The following CDYL variants were observed in gnomAD, a reference collection of about 807,000 sequenced individuals.
CDYL encodes the protein chromodomain Y like.
Under a neutral mutation model 47.3 loss-of-function variants are expected in CDYL, and 8 were observed. The ratio of observed to expected loss-of-function variants is 0.17; its 90% CI spans 0.10 to 0.31. The LOEUF (loss-of-function observed/expected upper bound fraction) is 0.31. CDYL is among the 10% of genes least tolerant of loss of function. The probability of loss-of-function intolerance (pLI) is 1.00; values close to 1 mark genes in which losing one functional copy is unlikely to be tolerated. For missense variants in CDYL, 471 were observed against 701.4 expected, an observed-to-expected ratio of 0.67 and a Z score of 3.71; for synonymous variants, 266 against 265.0, an observed-to-expected ratio of 1.00 and a Z score of -0.04.
At chr6:4,835,995 A>G in intron 1 of CDYL, 4 of 152,704 alleles carry the variant, frequency 2.6e-5, no homozygotes, top group Non-Finnish European at 5.8e-5. Flanking sequence ...CCTTTCTTTG[A>G]CTAGGAAAGG....
intron 1 of CDYL, among the ~76,000 whole-genome samples, chr6:4,713,365 G>A (rs768387786): frequency 6.6e-6 from 1 of 152,004 alleles, no homozygotes; most frequent in Admixed American, 6.6e-5. Context: ...TCCCCAAGAC[G>A]CAGGCCGCAG....
intron 3 of CDYL, among the ~76,000 whole-genome samples, chr6:4,768,945 G>A (rs1758296154): frequency 6.6e-6 from 1 of 152,152 alleles, no homozygotes; most frequent in African/African-American, 2.4e-5. Context: ...ATCATATCAT[G>A]AGACAAATAT....
At chr6:4,758,562 C>G (rs1758115419) in intron 3 of CDYL, among the ~76,000 whole-genome samples, 2 of 151,676 alleles carry the variant, frequency 1.3e-5, no homozygotes, top group African/African-American at 4.8e-5. Context: ...ACTTGGGAGG[C>G]TGAGGCACGA....
intron 1 of CDYL, among the ~76,000 whole-genome samples, chr6:4,875,122 G>T (rs541318031): frequency 1.3e-5 from 2 of 152,272 alleles, no homozygotes; most frequent in South Asian, 4.1e-4. Flanking sequence ...CAGGGGAGTT[G>T]TGCCACTCTT....
chr6:4,847,190 C>T (rs1440306412), intron 1 of CDYL, among the ~76,000 whole-genome samples: 1 of 152,212 alleles, frequency 6.6e-6, no homozygotes, highest in Admixed American at 6.5e-5. Flanking sequence ...TTCTGGTTCC[C>T]TCCTAGAGAT....
At chr6:4,717,873 G>T (rs1466352828) in intron 2 of CDYL, among the ~76,000 whole-genome samples, 1 of 150,536 alleles carries the variant, frequency 6.6e-6, no homozygotes, top group African/African-American at 2.4e-5. Context: ...TTGAGACAGG[G>T]TCTCACTCTA....
intron 1 of CDYL, among the ~76,000 whole-genome samples, chr6:4,864,011 G>A (rs540378479): frequency 5.9e-5 from 9 of 152,172 alleles, no homozygotes; most frequent in Non-Finnish European, 1.2e-4. Flanking sequence ...TAAAGTAGAA[G>A]ATGTTGAAGG....
chr6:4,732,186 T>C (rs1757616906), intron 2 of CDYL, among the ~76,000 whole-genome samples: 1 of 150,766 alleles, frequency 6.6e-6, no homozygotes, highest in South Asian at 2.1e-4. Context: ...AGTACAAAAA[T>C]TAGCTAAGCA....
chr6:4,830,883 T>C lies in CDYL; in HGVS notation c.24+54076T>C, dbSNP rs182650521. ...GTTTTTTGTTCTTGCGATAGTTTAC[T>C]GAGAATGATGATTTGCAGTTTCATC... On this transcript the variant is annotated intron_variant, in intron 1 of 6. Coordinates refer to ENST00000397588, the MANE Select transcript of CDYL (RefSeq NM_004824.4). 2.1e-3 allele frequency among the ~76,000 whole-genome samples: 314 copies of C among 152,102 alleles called. 2 individuals carry two copies. In the East Asian group the frequency reaches 0.028, roughly 14 times the overall value.
At chr6:4,938,920 A>G (rs1758283310) in intron 4 of CDYL, among the ~76,000 whole-genome samples, 1 of 152,242 alleles carries the variant, frequency 6.6e-6, no homozygotes, top group Admixed American at 6.5e-5. Flanking sequence ...ATGTATAATT[A>G]GAAGTGTCTG....
In CDYL at chr6:4,803,846, CTA is replaced by C. The variant is rs1249162333; in HGVS notation, c.24+27041_24+27042del. Among the ~76,000 whole-genome samples the C allele has an allele frequency of 4.0e-5, 6 of 150,184 alleles. No individual in the cohort carries two copies. In the East Asian group the frequency reaches 7.8e-4, roughly 20 times the overall value. Reference sequence around the variant, plus strand: ...TAGTTAAAAGATATTTTATCCAACTCTATGTGTGTATGTGTGTTTTTTGTACT... The same window carrying C: ...TAGTTAAAAGATATTTTATCCAACTCTGTGTGTATGTGTGTTTTTTGTACT... On this transcript the variant is annotated intron_variant, in intron 1 of 6. Coordinates refer to ENST00000397588, the MANE Select transcript of CDYL (RefSeq NM_004824.4).
chr6:4,720,502 TAAC>T (rs1016538210), intron 2 of CDYL, among the ~76,000 whole-genome samples: 6 of 152,330 alleles, frequency 3.9e-5, no homozygotes, highest in African/African-American at 9.6e-5. Flanking sequence ...AAAATAATAT[TAAC>T]AACCATTTCC....
At chr6:4,724,765 G>T in intron 2 of CDYL, 1 of 152,162 alleles carries the variant, frequency 6.6e-6, no homozygotes, top group Non-Finnish European at 1.5e-5. Flanking sequence ...GCAAACCTTC[G>T]GGTGAGTGCT....
chr6:4,816,944 A>G (rs571616563), intron 1 of CDYL, among the ~76,000 whole-genome samples: 3 of 152,314 alleles, frequency 2.0e-5, no homozygotes, highest in African/African-American at 7.2e-5. Flanking sequence ...TTGCCCCTCA[A>G]GGGACACCCC....
At chr6:4,801,904 G>A (rs1455823743) in intron 1 of CDYL, among the ~76,000 whole-genome samples, 2 of 152,126 alleles carry the variant, frequency 1.3e-5, no homozygotes, top group East Asian at 1.9e-4. Flanking sequence ...GCTGCTTGTG[G>A]TTTCCTCAGC....
chr6:4,710,801 CACT>C (rs750906015), intron 1 of CDYL, among the ~76,000 whole-genome samples: 22 of 152,210 alleles, frequency 1.4e-4, no homozygotes, highest in Non-Finnish European at 2.9e-4. Flanking sequence ...CTTCCCAGAC[CACT>C]ACTATCATCC....
intron 1 of CDYL, among the ~76,000 whole-genome samples, chr6:4,838,065 A>C (rs1489992412): frequency 6.6e-6 from 1 of 152,094 alleles, no homozygotes; most frequent in South Asian, 2.1e-4. Context: ...CTTGTGAGCT[A>C]TCACACCAGG....
At chr6:4,935,890 C>T (rs937934368) in intron 3 of CDYL, 119 bp downstream of exon 3, 10 of 1,456,956 alleles carry the variant, frequency 6.9e-6, no homozygotes, top group East Asian at 2.3e-5. Flanking sequence ...GGCCATCTCC[C>T]GATGCCCACC....
At chr6:4,917,855 C>T (rs1275560723) in intron 2 of CDYL, among the ~76,000 whole-genome samples, 1 of 152,162 alleles carries the variant, frequency 6.6e-6, no homozygotes, top group Non-Finnish European at 1.5e-5. Context: ...TGAAGTTCTG[C>T]CCTCTGTGAG....
Sources: allele counts gnomAD v4.1 joint callset (sites outside exome capture counted in the v4.1 genomes callset), GRCh38; gene constraint gnomAD v4.1.1; transcripts MANE v1.5; gene names NCBI Gene and HGNC (gene_info 2026-07-23, HGNC 2026-07-21).